The following TAFA5 variants were observed in gnomAD, a reference collection of about 807,000 sequenced individuals.
The protein encoded by TAFA5 is chemokine-like protein TAFA-5.
In TAFA5, 6 loss-of-function variants were observed where a neutral mutation model predicts 15.3. The observed-to-expected ratio is 0.39, with a 90% confidence interval of 0.21 to 0.77. The LOEUF is 0.77. TAFA5 is among the 30% of genes least tolerant of loss of function. The pLI, the probability that TAFA5 is intolerant of heterozygous loss-of-function variation, is 0.41. For missense variants in TAFA5, 161 were observed against 193.1 expected, an observed-to-expected ratio of 0.83 and a Z score of 0.98; for synonymous variants, 103 against 80.7, an observed-to-expected ratio of 1.28 and a Z score of -1.48.
chr22:48,504,647 T>A (rs1920976454), intron 1 of TAFA5, among the ~76,000 whole-genome samples: 1 of 152,176 alleles, frequency 6.6e-6, no homozygotes, highest in Admixed American at 6.5e-5. Flanking sequence ...GGGCTCCCTG[T>A]TTGGGGCTCA....
At chr22:48,707,608 G>T (rs1929120686) in intron 2 of TAFA5, 109 bp from the exon 3 acceptor site, 2 of 1,356,372 alleles carry the variant, frequency 1.5e-6, no homozygotes, top group Middle Eastern at 1.9e-4. Flanking sequence ...GCCACGCCGG[G>T]CATTGCCTGA....
At chr22:48,535,949 A>G (rs1922145889) in intron 1 of TAFA5, among the ~76,000 whole-genome samples, 1 of 152,264 alleles carries the variant, frequency 6.6e-6, no homozygotes, top group Non-Finnish European at 1.5e-5. Context: ...CACACATTAC[A>G]CACATTTGCA....
chr22:48,591,998 C>CCA (rs1924587473), intron 1 of TAFA5, among the ~76,000 whole-genome samples: 1 of 152,166 alleles, frequency 6.6e-6, no homozygotes, highest in Non-Finnish European at 1.5e-5. Flanking sequence ...GGGGTGATGC[C>CCA]CACGGCCCCG....
intron 2 of TAFA5, among the ~76,000 whole-genome samples, chr22:48,682,042 G>A (rs887429631): frequency 3.5e-5 from 2 of 56,598 alleles, no homozygotes; most frequent in African/African-American, 8.6e-5. Flanking sequence ...CCCCAAGGCC[G>A]TCCTCAGCTT....
At chr22:48,515,184 G>A (rs908584716) in intron 1 of TAFA5, among the ~76,000 whole-genome samples, 14 of 152,214 alleles carry the variant, frequency 9.2e-5, no homozygotes, top group African/African-American at 3.4e-4. Flanking sequence ...GCTGGCGAAT[G>A]CAGGAGCCCA....
rs977363446 is a variant in TAFA5, at chr22:48,490,352, G to T, written c.112+648G>T. 1.3e-5 allele frequency among the ~76,000 whole-genome samples: 2 copies of T among 152,016 alleles called. No homozygotes were observed. Among genetic ancestry groups the T allele is most frequent in the Non-Finnish European group, 2.9e-5 (2 of 67,984 alleles). ...CCCGAGCTGGTGACCGGCGGGACTGGCGCGGGCGCGGGCTGGGGTGGTGCG... is the reference window on the plus strand; with the variant it reads ...CCCGAGCTGGTGACCGGCGGGACTGTCGCGGGCGCGGGCTGGGGTGGTGCG... On this transcript the variant is annotated intron_variant, in intron 1 of 3. Coordinates refer to ENST00000402357, the MANE Select transcript of TAFA5 (RefSeq NM_001082967.3). This position sits in a 1 kb window ranked among gnomAD's most constrained non-coding sequence, Gnocchi z 5.8.
chr22:48,523,025 T>A (rs1399043455), intron 1 of TAFA5, among the ~76,000 whole-genome samples: 1 of 151,948 alleles, frequency 6.6e-6, no homozygotes, highest in Non-Finnish European at 1.5e-5. Flanking sequence ...GTCGGTTCCT[T>A]CCCAGCAGGA....
At chr22:48,689,010 AAGAG>A (rs201953056) in intron 2 of TAFA5, among the ~76,000 whole-genome samples, 3 of 118,280 alleles carry the variant, frequency 2.5e-5, no homozygotes, top group South Asian at 2.4e-4. Flanking sequence ...AAAAAAAAAA[AAGAG>A]AGAGAAAACC....
chr22:48,696,616 G>A (rs151022462), intron 2 of TAFA5, among the ~76,000 whole-genome samples: 21 of 152,370 alleles, frequency 1.4e-4, no homozygotes, highest in Non-Finnish European at 5.9e-5. Flanking sequence ...AGGTTCCGGA[G>A]AGGGGAAACC....
chr22:48,517,256 T>C (rs777398330), intron 1 of TAFA5, among the ~76,000 whole-genome samples: 3 of 152,128 alleles, frequency 2.0e-5, no homozygotes, highest in African/African-American at 7.2e-5. Context: ...AAGCAACTGC[T>C]ACAGGGCCCA....
chr22:48,679,068 G>GC (rs1928082531), intron 2 of TAFA5, among the ~76,000 whole-genome samples: 2 of 91,656 alleles, frequency 2.2e-5, no homozygotes, highest in Admixed American at 1.4e-4. Flanking sequence ...TCCCTCTCCC[G>GC]TCTCCCTGTC....
At chr22:48,508,102 G>A (rs1921071601) in intron 1 of TAFA5, among the ~76,000 whole-genome samples, 1 of 152,228 alleles carries the variant, frequency 6.6e-6, no homozygotes. Flanking sequence ...CAACCCTGAG[G>A]CAGAGCCAGT....
At chr22:48,624,963 A>C (rs1167491165) in intron 1 of TAFA5, among the ~76,000 whole-genome samples, 1 of 152,014 alleles carries the variant, frequency 6.6e-6, no homozygotes, top group Non-Finnish European at 1.5e-5. Context: ...AACAAACAAA[A>C]AAACATCAGG....
chr22:48,595,846 A>T (rs904099922), intron 1 of TAFA5, among the ~76,000 whole-genome samples: 1 of 152,268 alleles, frequency 6.6e-6, no homozygotes, highest in Non-Finnish European at 1.5e-5. Flanking sequence ...CTTCTCATAC[A>T]TGGTATCTTG....
intron 1 of TAFA5, among the ~76,000 whole-genome samples, chr22:48,548,884 C>T (rs1490728160): frequency 6.6e-6 from 1 of 152,254 alleles, no homozygotes; most frequent in African/African-American, 2.4e-5. Context: ...TGGCCCACTG[C>T]TGGACTAAAG....
intron 1 of TAFA5, among the ~76,000 whole-genome samples, chr22:48,611,566 G>A (rs1470809064): frequency 6.6e-6 from 1 of 152,034 alleles, no homozygotes; most frequent in Non-Finnish European, 1.5e-5. Context: ...CAGGGCTCGT[G>A]AGAGTCTGTG....
At chr22:48,506,212 C>T (rs1386594254) in intron 1 of TAFA5, among the ~76,000 whole-genome samples, 1 of 152,214 alleles carries the variant, frequency 6.6e-6, no homozygotes, top group African/African-American at 2.4e-5. Context: ...TCTCCATGAC[C>T]TTTCATGACT....
chr22:48,525,959 C>T (rs1434008830), intron 1 of TAFA5, among the ~76,000 whole-genome samples: 5 of 152,238 alleles, frequency 3.3e-5, no homozygotes, highest in Non-Finnish European at 5.9e-5. Context: ...AGATCGCTGT[C>T]AGGCTGGACA....
intron 1 of TAFA5, among the ~76,000 whole-genome samples, chr22:48,639,809 T>C (rs1601635161): frequency 1.3e-5 from 2 of 151,800 alleles, no homozygotes. Context: ...CACAGCATCC[T>C]TCCTGCCATC....
Sources: gnomAD v4.1 joint callset for allele counts (sites outside exome capture counted in the v4.1 genomes callset) on GRCh38, gnomAD v4.1.1 for gene constraint, Gnocchi (gnomAD v3.1) non-coding constraint, MANE v1.5 for transcripts, NCBI Gene and HGNC (gene_info 2026-07-23, HGNC 2026-07-21) for gene names.